Variants in KCTD20 observed in about 807,000 individuals in gnomAD.
KCTD20 encodes BTB/POZ domain-containing protein KCTD20.
Under a neutral mutation model 39.6 loss-of-function variants are expected in KCTD20, and 30 were observed. The ratio of observed to expected loss-of-function variants is 0.76; its 90% CI spans 0.57 to 1.03. The LOEUF (loss-of-function observed/expected upper bound fraction) is 1.03. Among genes scored for constraint, KCTD20 ranks in the 50% least tolerant of loss-of-function variants. KCTD20 has a pLI of 0.00. For synonymous variants in KCTD20, 162 were observed against 180.6 expected (o/e 0.90, Z 0.83); for missense variants, 422 against 522.0 (o/e 0.81, Z 1.87).
At chr6:36,473,591 T>A (rs553793786) in intron 2 of KCTD20, among the ~76,000 whole-genome samples, 59 of 151,812 alleles carry the variant, frequency 3.9e-4, no homozygotes, top group Non-Finnish European at 8.8e-5. Flanking sequence ...GCTAACACGA[T>A]GAAACCTTGT....
chr6:36,479,206 G>A lies in KCTD20; in HGVS notation c.520G>A (p.Val174Ile), dbSNP rs1776161422. 4 of 1,613,264 alleles carry A rather than the reference G, an allele frequency of 2.5e-6. No individual in the cohort carries two copies. The highest frequency in any genetic ancestry group is 3.4e-6 in the Non-Finnish European group (4 of 1,179,210). ...YEIAEGISATVFRTVLDYYKT... is the reference protein window; with the variant it reads ...YEIAEGISATIFRTVLDYYKT... ...GATTGCTGAAGGCATCAGTGCAACT[G>A]TATTTCGCACAGTGCTGGTGTGTGG... The change falls in exon 4 of 8, where the codon GTA becomes ATA. Residue 174 changes from valine (V) to isoleucine (I), a missense_variant. By Grantham distance (29) the Val-to-Ile change is conservative. Coordinates refer to ENST00000373731, the MANE Select transcript of KCTD20 (RefSeq NM_173562.5).
At chr6:36,449,410 G>A (rs890701070) in intron 1 of KCTD20, among the ~76,000 whole-genome samples, 3 of 151,306 alleles carry the variant, frequency 2.0e-5, no homozygotes, top group African/African-American at 7.3e-5. Flanking sequence ...ACAGAGCGCT[G>A]ATTCATGCGT....
intron 3 of KCTD20, among the ~76,000 whole-genome samples, chr6:36,476,133 G>A (rs183966224): frequency 6.6e-6 from 1 of 152,290 alleles, no homozygotes; most frequent in East Asian, 1.9e-4. Flanking sequence ...CCTGGGCTAG[G>A]AGTAAAGAGA....
chr6:36,467,380 C>A (rs1775790191), intron 1 of KCTD20, among the ~76,000 whole-genome samples: 1 of 99,144 alleles, frequency 1.0e-5, no homozygotes, highest in African/African-American at 4.0e-5. Context: ...GCACTTTCGC[C>A]CAGGCTGGAG....
At chr6:36,481,112 T>G (rs1198318854) in intron 5 of KCTD20, among the ~76,000 whole-genome samples, 1 of 152,238 alleles carries the variant, frequency 6.6e-6, no homozygotes, top group Non-Finnish European at 1.5e-5. Context: ...AAAGCCCCTG[T>G]ACATGTGATT....
intron 1 of KCTD20, among the ~76,000 whole-genome samples, chr6:36,460,297 C>T (rs980758712): frequency 2.0e-5 from 3 of 148,122 alleles, no homozygotes; most frequent in Admixed American, 1.4e-4. Flanking sequence ...AAAGAAGTTA[C>T]AGCAGAATTA....
At chr6:36,480,978 A>G (rs1776227115) in intron 5 of KCTD20, among the ~76,000 whole-genome samples, 1 of 152,230 alleles carries the variant, frequency 6.6e-6, no homozygotes, top group Non-Finnish European at 1.5e-5. Flanking sequence ...TCTAGGCATT[A>G]AGGCCAGGAT....
At chr6:36,451,656 AT>A in intron 1 of KCTD20, 1 of 152,208 alleles carries the variant, frequency 6.6e-6, no homozygotes. Context: ...CACCCAGCTA[AT>A]TTTTTTATTT....
chr6:36,455,536 T>C (rs1775406310), intron 1 of KCTD20, among the ~76,000 whole-genome samples: 1 of 152,236 alleles, frequency 6.6e-6, no homozygotes, highest in Non-Finnish European at 1.5e-5. Flanking sequence ...GTACAGAGTG[T>C]TGGGCTTAAC....
At chr6:36,461,500 A>G (rs116616466) in intron 1 of KCTD20, among the ~76,000 whole-genome samples, 3,738 of 152,238 alleles carry the variant, frequency 0.025, 72 homozygotes, top group Non-Finnish European at 0.038. Context: ...TTTTATATGT[A>G]GTACATTAAT....
chr6:36,463,140 ACTTT>A (rs1775648567), intron 1 of KCTD20, among the ~76,000 whole-genome samples: 2 of 152,102 alleles, frequency 1.3e-5, no homozygotes, highest in African/African-American at 2.4e-5. Context: ...TGATTGGTTT[ACTTT>A]CTTTCTCTTT....
At chr6:36,483,360 G>A (rs1022837526) in intron 6 of KCTD20, among the ~76,000 whole-genome samples, 22 of 146,258 alleles carry the variant, frequency 1.5e-4, no homozygotes, top group Admixed American at 7.1e-5. Flanking sequence ...CTACAGGTGC[G>A]TGCCACCACG....
intron 6 of KCTD20, among the ~76,000 whole-genome samples, chr6:36,483,268 T>TTTC: frequency 6.8e-6 from 1 of 146,408 alleles, no homozygotes; most frequent in Admixed American, 6.8e-5. Flanking sequence ...TTTTTCTTTT[T>TTTC]TTTTTTTTTT....
chr6:36,483,478 C>T (rs1269476579), intron 6 of KCTD20, among the ~76,000 whole-genome samples: 1 of 152,030 alleles, frequency 6.6e-6, no homozygotes, highest in Non-Finnish European at 1.5e-5. Context: ...CTCCCAAGTG[C>T]TGGGATTGCA....
At chr6:36,448,597 T>C (rs1055055714) in intron 1 of KCTD20, among the ~76,000 whole-genome samples, 4 of 152,224 alleles carry the variant, frequency 2.6e-5, no homozygotes, top group African/African-American at 9.7e-5. Flanking sequence ...GAAATCTATT[T>C]TCTCACAATT....
intron 1 of KCTD20, among the ~76,000 whole-genome samples, chr6:36,467,400 G>A (rs1277760979): frequency 9.6e-6 from 1 of 104,244 alleles, no homozygotes; most frequent in Non-Finnish European, 1.8e-5. Context: ...GTGCAATGGC[G>A]CCATCTCTGC....
chr6:36,475,592 C>G (rs893193031), intron 3 of KCTD20, among the ~76,000 whole-genome samples: 11 of 151,972 alleles, frequency 7.2e-5, no homozygotes, highest in African/African-American at 2.4e-4. Context: ...AAAATGAGCC[C>G]CACAAAAGGA....
intron 2 of KCTD20, among the ~76,000 whole-genome samples, chr6:36,471,905 G>C (rs780763291): frequency 3.3e-5 from 5 of 151,298 alleles, no homozygotes; most frequent in Non-Finnish European, 7.4e-5. Context: ...CTGGAGTGCG[G>C]TGGCGCGATC....
At chr6:36,455,099 A>C (rs1775391883) in intron 1 of KCTD20, among the ~76,000 whole-genome samples, 1 of 152,062 alleles carries the variant, frequency 6.6e-6, no homozygotes, top group South Asian at 2.1e-4. Context: ...ATGCTGACAA[A>C]AGCTCTGCTT....
Sources: gnomAD v4.1 joint callset for allele counts (sites outside exome capture counted in the v4.1 genomes callset) on GRCh38, gnomAD v4.1.1 for gene constraint, MANE v1.5 for transcripts, NCBI Gene and HGNC (gene_info 2026-07-23, HGNC 2026-07-21) for gene names.